TRAPPC8: variants seen among roughly 807,000 people sequenced by gnomAD.
The protein encoded by TRAPPC8 is trafficking protein particle complex subunit 8, also known as general sporulation gene 1 homolog.
Under a neutral mutation model 174.3 loss-of-function variants are expected in TRAPPC8, and 54 were observed. The ratio of observed to expected loss-of-function variants is 0.31; its 90% CI spans 0.25 to 0.39. The LOEUF (loss-of-function observed/expected upper bound fraction) is 0.39, where lower values mean the gene tolerates loss of function less well. Ranked by LOEUF, TRAPPC8 falls within the 10% of genes least tolerant of loss-of-function variation. The probability of loss-of-function intolerance (pLI) is 1.00; values close to 1 mark genes in which losing one functional copy is unlikely to be tolerated. For missense variants in TRAPPC8, 1,531 were observed against 1,699.1 expected, an observed-to-expected ratio of 0.90 and a Z score of 1.74; for synonymous variants, 630 against 579.9, an observed-to-expected ratio of 1.09 and a Z score of -1.24.
At chr18:31,923,195 A>C (rs1467853301) in intron 2 of TRAPPC8, among the ~76,000 whole-genome samples, 1 of 152,212 alleles carries the variant, frequency 6.6e-6, no homozygotes, top group Non-Finnish European at 1.5e-5. Flanking sequence ...AAAATAGATA[A>C]CAAAAGTTGA....
chr18:31,908,339 T>C lies in TRAPPC8; in HGVS notation c.1202A>G (p.Lys401Arg), dbSNP rs1414499756. The C allele has an allele frequency of 6.2e-7, 1 of 1,606,384 alleles. No homozygotes were observed. The highest frequency in any genetic ancestry group is 1.7e-5 in the Admixed American group (1 of 58,728). Residue 401 changes from lysine to arginine, a missense_variant, in exon 8 of 29, where the codon AAG (lysine) becomes AGG (arginine). Coordinates refer to ENST00000283351, the MANE Select transcript of TRAPPC8 (RefSeq NM_014939.5). Reference sequence around the variant, plus strand: ...TGTATTTTTCAGGTCATTAATGCTCTTTTCTGGAACTTTACTGCCACTAAA... The same window carrying C: ...TGTATTTTTCAGGTCATTAATGCTCCTTTCTGGAACTTTACTGCCACTAAA... ...KWFSGSKVPE[K>R]SINDLKNTSG... is the part of the protein sequence containing the mutation.
intron 9 of TRAPPC8, among the ~76,000 whole-genome samples, chr18:31,903,121 C>CGT (rs3837889): frequency 0.29 from 42,985 of 148,742 alleles, 7,003 homozygotes; most frequent in Admixed American, 0.46. Flanking sequence ...TGCGTGCGTG[C>CGT]GTGTGTGTGT....
At chr18:31,935,548 T>TGGAAAAAAAAAAAAAAAAA (rs745488703) in intron 1 of TRAPPC8, among the ~76,000 whole-genome samples, 3 of 46,286 alleles carry the variant, frequency 6.5e-5, no homozygotes, top group Admixed American at 7.1e-4. Flanking sequence ...AACTCCATCT[T>TGGAAAAAAAAAAAAAAAAA]AAAAAAAAAA....
intron 1 of TRAPPC8, among the ~76,000 whole-genome samples, chr18:31,935,485 T>C (rs1360405204): frequency 8.0e-6 from 1 of 125,274 alleles, no homozygotes; most frequent in African/African-American, 3.1e-5. Context: ...GAGGTGGAGG[T>C]TGCGGTGAGC....
At chr18:31,879,895 A>G (rs2057696938) in intron 12 of TRAPPC8, among the ~76,000 whole-genome samples, 1 of 151,072 alleles carries the variant, frequency 6.6e-6, no homozygotes, top group African/African-American at 2.4e-5. Context: ...GAATCATACA[A>G]TCTCCCAAGA....
chr18:31,939,278 G>T (rs1038803150), intron 1 of TRAPPC8: 1 of 152,046 alleles, frequency 6.6e-6, no homozygotes, highest in Non-Finnish European at 1.5e-5. Context: ...TGTAAAACTT[G>T]TATCTACTTA....
chr18:31,844,620 C>T (rs2033287544), intron 26 of TRAPPC8: 3 of 151,004 alleles, frequency 2.0e-5, no homozygotes, highest in South Asian at 2.1e-4. Flanking sequence ...GAGGAAAGCA[C>T]GTGAACAATG....
At chr18:31,868,712 G>GTT (rs1339012386) in intron 16 of TRAPPC8, among the ~76,000 whole-genome samples, 1 of 151,244 alleles carries the variant, frequency 6.6e-6, no homozygotes, top group African/African-American at 2.4e-5. Flanking sequence ...TTGTTTTGTG[G>GTT]TTTTTTTTGA....
In TRAPPC8 at chr18:31,877,793, C is replaced by T. The variant is rs183150502; in HGVS notation, c.1729-3089G>A. On this transcript the variant is annotated intron_variant, in intron 12 of 28. Transcript: ENST00000283351. Reference sequence around the variant, plus strand: ...ACAAAATTAGCCAGGCGTGGTGGCGCGTGCCTGTAATCCCAGCTACTCGGG... The same window carrying T: ...ACAAAATTAGCCAGGCGTGGTGGCGTGTGCCTGTAATCCCAGCTACTCGGG... 7.3e-3 allele frequency among the ~76,000 whole-genome samples: 1,096 copies of T among 149,918 alleles called. 8 individuals are homozygous for T. Among genetic ancestry groups the T allele is most frequent in the Non-Finnish European group, 0.011 (752 of 67,464 alleles).
chr18:31,864,549 A>G, intron 19 of TRAPPC8, 78 bp downstream of exon 19: 4 of 1,427,390 alleles, frequency 2.8e-6, no homozygotes, highest in Non-Finnish European at 2.9e-6. Context: ...CAAAAACCTC[A>G]GAGCCTAAAA....
Position 31,857,987 on chromosome 18 carries a change from A to G in TRAPPC8, c.2746-5T>C, listed in dbSNP as rs985747584. On this transcript the variant is annotated splice_region_variant and splice_polypyrimidine_tract_variant and intron_variant, in intron 19 of 28. Coordinates refer to ENST00000283351, the MANE Select transcript of TRAPPC8 (RefSeq NM_014939.5). ...AGGAAAATGTATAAAGAACACCTGCATTGGAGGGAAAAAATATTATTATTT... is the reference window on the plus strand; with the variant it reads ...AGGAAAATGTATAAAGAACACCTGCGTTGGAGGGAAAAAATATTATTATTT... 1 of 1,571,484 alleles carries G rather than the reference A, an allele frequency of 6.4e-7. No individual in the cohort carries two copies. Among genetic ancestry groups the G allele is most frequent in the African/African-American group, 1.4e-5 (1 of 72,760 alleles).
intron 3 of TRAPPC8, among the ~76,000 whole-genome samples, chr18:31,916,805 A>G (rs946794033): frequency 2.1e-5 from 3 of 143,276 alleles, no homozygotes; most frequent in African/African-American, 7.7e-5. Context: ...AAGTGCTAGG[A>G]TTATAGGCAT....
At chr18:31,861,936 A>AGGGG (rs398032373) in intron 19 of TRAPPC8, among the ~76,000 whole-genome samples, 47 of 64,224 alleles carry the variant, frequency 7.3e-4, no homozygotes, top group Non-Finnish European at 1.0e-3. Flanking sequence ...AAAAAAAAAA[A>AGGGG]GGGGGGGGGG....
At chr18:31,915,925 C>A (rs1049090386) in intron 4 of TRAPPC8, among the ~76,000 whole-genome samples, 1 of 147,714 alleles carries the variant, frequency 6.8e-6, no homozygotes, top group Non-Finnish European at 1.5e-5. Context: ...GGCATGGTGG[C>A]GGGCACCTGT....
chr18:31,915,692 C>A (rs1470661724), intron 4 of TRAPPC8, among the ~76,000 whole-genome samples: 1 of 151,488 alleles, frequency 6.6e-6, no homozygotes, highest in African/African-American at 2.4e-5. Flanking sequence ...GTCAGGAGAT[C>A]GAGACCATGG....
intron 26 of TRAPPC8, among the ~76,000 whole-genome samples, chr18:31,843,241 G>A (rs1366993722): frequency 6.6e-6 from 1 of 151,992 alleles, no homozygotes; most frequent in African/African-American, 2.4e-5. Context: ...AATGAAACCT[G>A]TAGTTTATTA....
chr18:31,921,588 C>T (rs1019751119), intron 2 of TRAPPC8, among the ~76,000 whole-genome samples: 1 of 147,920 alleles, frequency 6.8e-6, no homozygotes, highest in African/African-American at 2.5e-5. Context: ...TGTACTACTC[C>T]AGCCTGGATG....
rs1361703420 is a variant in TRAPPC8 at position 31,867,323 on chromosome 18, C to G, written c.2463+79G>C. ...TAAGAAAACTAGAATATAAAATAAACTGAATAAAGATTATTTAAAAATTTG... is the reference window on the plus strand; with the variant it reads ...TAAGAAAACTAGAATATAAAATAAAGTGAATAAAGATTATTTAAAAATTTG... On this transcript the variant is annotated intron_variant, in intron 17 of 28. Transcript: ENST00000283351. 3.9e-6 allele frequency: 4 copies of G among 1,015,024 alleles called. No individual in the cohort carries two copies. The Admixed American group carries it at 9.8e-5, about 25-fold the overall frequency. 62.9% of individuals were successfully genotyped at this position (1,015,024 alleles called of 1,614,324 possible). A position where few individuals can be genotyped will look rare whatever the true frequency, so the allele number is the denominator to read the frequency against.
At chr18:31,885,311 C>G (rs142993358) in intron 12 of TRAPPC8, among the ~76,000 whole-genome samples, 39 of 152,228 alleles carry the variant, frequency 2.6e-4, no homozygotes, top group African/African-American at 9.1e-4. Flanking sequence ...ATAGCAGAGA[C>G]ATGTAACTTG....
Sources: gnomAD v4.1 joint callset for allele counts (sites outside exome capture counted in the v4.1 genomes callset) on GRCh38, gnomAD v4.1.1 for gene constraint, MANE v1.5 for transcripts, NCBI Gene and HGNC (gene_info 2026-07-23, HGNC 2026-07-21) for gene names.